RMND1: variants seen among roughly 807,000 people sequenced by gnomAD.
RMND1 encodes required for meiotic nuclear division 1 homolog, also known as required for meiotic nuclear division protein 1 homolog.
A neutral mutation model predicts 54.0 loss-of-function variants in RMND1; 41 were observed. That is an observed-to-expected ratio of 0.76 (90% CI 0.59 to 0.98). RMND1 has a LOEUF of 0.98. Among genes scored for constraint, RMND1 ranks in the 50% least tolerant of loss-of-function variants. The probability of loss-of-function intolerance (pLI) is 0.00; values close to 1 mark genes in which losing one functional copy is unlikely to be tolerated. For synonymous variants in RMND1, 183 were observed against 181.7 expected (o/e 1.01, Z -0.06); for missense variants, 457 against 532.0 (o/e 0.86, Z 1.39).
intron 10 of RMND1, among the ~76,000 whole-genome samples, chr6:151,412,987 A>G (rs1188385280): frequency 1.4e-5 from 2 of 148,060 alleles, no homozygotes; most frequent in Admixed American, 6.7e-5. Flanking sequence ...GATCTAAACC[A>G]TATCACTCCC....
chr6:151,426,807 T>A (rs1169867406), intron 6 of RMND1, among the ~76,000 whole-genome samples: 2 of 152,080 alleles, frequency 1.3e-5, no homozygotes, highest in Non-Finnish European at 2.9e-5. Flanking sequence ...TTCACTCTTG[T>A]CACCCTGGCT....
intron 3 of RMND1, among the ~76,000 whole-genome samples, chr6:151,433,918 T>C: frequency 6.8e-6 from 1 of 147,284 alleles, no homozygotes; most frequent in African/African-American, 2.6e-5. Context: ...CAATGCAGCC[T>C]CAACCTCCTG....
At chr6:151,451,115 T>G (rs1256964072) in intron 1 of RMND1, among the ~76,000 whole-genome samples, 1 of 151,606 alleles carries the variant, frequency 6.6e-6, no homozygotes, top group Non-Finnish European at 1.5e-5. Flanking sequence ...TTTGTGCACT[T>G]GTTTATCTGC....
intron 2 of RMND1, chr6:151,444,693 G>C (rs1408640709): frequency 6.6e-6 from 1 of 152,098 alleles, no homozygotes; most frequent in Non-Finnish European, 1.5e-5. Context: ...TATTATGCAA[G>C]ATACAAAGGT....
At chr6:151,451,325 G>T (rs967771237) in intron 1 of RMND1, among the ~76,000 whole-genome samples, 1 of 151,338 alleles carries the variant, frequency 6.6e-6, no homozygotes, top group Non-Finnish European at 1.5e-5. Context: ...TACTGCAAAC[G>T]AACTCAGTTC....
chr6:151,433,085 G>T, intron 4 of RMND1, 70 bp downstream of exon 4: 1 of 850,872 alleles, frequency 1.2e-6, no homozygotes, highest in African/African-American at 1.7e-5. Context: ...AGGTATGCCT[G>T]CACCTTTAAA....
At chr6:151,415,422 T>C (rs1779974184) in intron 10 of RMND1, among the ~76,000 whole-genome samples, 2 of 151,942 alleles carry the variant, frequency 1.3e-5, no homozygotes, top group South Asian at 4.1e-4. Context: ...TAAATATCTA[T>C]GCAACGAGAT....
chr6:151,430,225 T>C, intron 4 of RMND1, 48 bp from the exon 5 acceptor site: 2 of 1,313,502 alleles, frequency 1.5e-6, no homozygotes, highest in Non-Finnish European at 2.2e-6. Flanking sequence ...ATGGAATACA[T>C]TCTTTAGGGT....
intron 1 of RMND1, among the ~76,000 whole-genome samples, chr6:151,451,724 G>C (rs984557560): frequency 1.3e-5 from 2 of 152,158 alleles, no homozygotes; most frequent in African/African-American, 4.8e-5. Flanking sequence ...GCTAGGCTAC[G>C]ATTCGAGAGC....
At chr6:151,449,410 A>AT (rs1781062434) in intron 1 of RMND1, among the ~76,000 whole-genome samples, 2 of 150,488 alleles carry the variant, frequency 1.3e-5, no homozygotes, top group African/African-American at 2.4e-5. Flanking sequence ...AATGGCCTGC[A>AT]TGGCACTACA....
At chr6:151,444,566 A>C (rs1463060784) in intron 2 of RMND1, 1 of 152,204 alleles carries the variant, frequency 6.6e-6, no homozygotes, top group Non-Finnish European at 1.5e-5. Context: ...CAGACATTCT[A>C]ACCTGTTTTC....
intron 1 of RMND1, among the ~76,000 whole-genome samples, chr6:151,449,096 C>T (rs1006621345): frequency 2.2e-5 from 3 of 137,872 alleles, no homozygotes; most frequent in Admixed American, 7.2e-5. Context: ...AAGCCTGGCG[C>T]GGTGGCTCAC....
At chr6:151,423,999 A>G (rs2114939350) in intron 6 of RMND1, among the ~76,000 whole-genome samples, 1 of 151,990 alleles carries the variant, frequency 6.6e-6, no homozygotes, top group South Asian at 2.1e-4. Flanking sequence ...AGGCATGCGT[A>G]ACCACACCCA....
chr6:151,449,716 C>T (rs1391780038), intron 1 of RMND1, among the ~76,000 whole-genome samples: 2 of 152,196 alleles, frequency 1.3e-5, no homozygotes, highest in South Asian at 2.1e-4. Context: ...CTGGACTGTA[C>T]TGCTGCCATC....
intron 6 of RMND1, among the ~76,000 whole-genome samples, chr6:151,425,008 T>C (rs1482588586): frequency 6.6e-6 from 1 of 152,204 alleles, no homozygotes; most frequent in African/African-American, 2.4e-5. Context: ...AGTGGCGTGA[T>C]CTTCGCTCAC....
intron 7 of RMND1, 76 bp from the exon 8 acceptor site, chr6:151,422,681 A>G: frequency 1.7e-6 from 1 of 599,170 alleles, no homozygotes; most frequent in Non-Finnish European, 2.9e-6. Context: ...ATTGCACAGC[A>G]TCTTCACTAC....
At chr6:151,450,253 G>A (rs978863753) in intron 1 of RMND1, among the ~76,000 whole-genome samples, 29 of 151,184 alleles carry the variant, frequency 1.9e-4, no homozygotes, top group Admixed American at 3.3e-4. Flanking sequence ...GAGCACCTCT[G>A]CCCCGCCGCC....
chr6:151,437,013 A>G (rs1365832542), intron 2 of RMND1, among the ~76,000 whole-genome samples: 1 of 152,240 alleles, frequency 6.6e-6, no homozygotes, highest in Non-Finnish European at 1.5e-5. Flanking sequence ...TAAATCCCCA[A>G]AGGAATTACA....
At chr6:151,414,663 A>G (rs985662741) in intron 10 of RMND1, among the ~76,000 whole-genome samples, 5 of 152,212 alleles carry the variant, frequency 3.3e-5, no homozygotes, top group Admixed American at 1.3e-4. Flanking sequence ...AATAAACTCA[A>G]TGTTGGGCAG....
Sources: allele counts gnomAD v4.1 joint callset (sites outside exome capture counted in the v4.1 genomes callset), GRCh38; gene constraint gnomAD v4.1.1; transcripts MANE v1.5; gene names NCBI Gene and HGNC (gene_info 2026-07-23, HGNC 2026-07-21).